RAD51B: variants seen among roughly 807,000 people sequenced by gnomAD.
RAD51B encodes RAD51 paralog B.
Under a neutral mutation model 42.2 loss-of-function variants are expected in RAD51B, and 38 were observed. The ratio of observed to expected loss-of-function variants is 0.90; its 90% CI spans 0.70 to 1.18. RAD51B has a LOEUF of 1.18. Ranked by LOEUF, RAD51B falls within the 50% of genes most tolerant of loss-of-function variation. The probability of loss-of-function intolerance (pLI) is 0.00; values close to 1 mark genes in which losing one functional copy is unlikely to be tolerated. For synonymous variants in RAD51B, 154 were observed against 145.2 expected (o/e 1.06, Z -0.43); for missense variants, 373 against 400.7 (o/e 0.93, Z 0.59).
intron 11 of RAD51B, among the ~76,000 whole-genome samples, chr14:68,655,503 G>T (rs1892795577): frequency 6.6e-6 from 1 of 152,186 alleles, no homozygotes; most frequent in East Asian, 1.9e-4. Context: ...GACGGCGGAT[G>T]AATTGCAAAC....
chr14:68,135,117 A>G (rs926623654), intron 7 of RAD51B, among the ~76,000 whole-genome samples: 1 of 152,188 alleles, frequency 6.6e-6, no homozygotes, highest in African/African-American at 2.4e-5. Flanking sequence ...CATTGAGTAC[A>G]TAGTGTTTAA....
At chr14:67,933,812 A>G (rs1474304842) in intron 7 of RAD51B, among the ~76,000 whole-genome samples, 2 of 152,062 alleles carry the variant, frequency 1.3e-5, no homozygotes, top group Non-Finnish European at 2.9e-5. Flanking sequence ...TGAGTGTCCA[A>G]TCTCTCTAGT....
intron 7 of RAD51B, among the ~76,000 whole-genome samples, chr14:68,107,297 T>G: frequency 6.6e-6 from 1 of 151,784 alleles, no homozygotes; most frequent in East Asian, 1.9e-4. Context: ...CCCCCAAAAG[T>G]ATAAGATTTG....
chr14:68,284,805 G>A (rs865970859), intron 7 of RAD51B, among the ~76,000 whole-genome samples: 2 of 151,808 alleles, frequency 1.3e-5, no homozygotes, highest in East Asian at 1.9e-4. Flanking sequence ...CCAGAGCATG[G>A]CAAAACTAAG....
At chr14:67,863,754 A>G (rs1199781332) in intron 4 of RAD51B, among the ~76,000 whole-genome samples, 1 of 152,210 alleles carries the variant, frequency 6.6e-6, no homozygotes, top group Non-Finnish European at 1.5e-5. Context: ...ATGTGTTTAA[A>G]GGAGATATTT....
intron 7 of RAD51B, among the ~76,000 whole-genome samples, chr14:68,004,194 G>A (rs1397192642): frequency 1.3e-5 from 2 of 151,990 alleles, no homozygotes; most frequent in Non-Finnish European, 2.9e-5. Flanking sequence ...TTAGCCAGGT[G>A]TGGTGGCGGG....
chr14:67,881,892 T>A (rs961282078), intron 5 of RAD51B, among the ~76,000 whole-genome samples: 1 of 152,228 alleles, frequency 6.6e-6, no homozygotes, highest in African/African-American at 2.4e-5. Flanking sequence ...TGCAACTGAT[T>A]TAAAAAATTT....
intron 4 of RAD51B, among the ~76,000 whole-genome samples, chr14:67,841,116 A>C (rs915178832): frequency 6.6e-6 from 1 of 152,188 alleles, no homozygotes; most frequent in African/African-American, 2.4e-5. Context: ...ACTTCTTAAT[A>C]ATAGCCATTC....
At chr14:67,990,358 A>G (rs1471395320) in intron 7 of RAD51B, among the ~76,000 whole-genome samples, 1 of 152,178 alleles carries the variant, frequency 6.6e-6, no homozygotes, top group African/African-American at 2.4e-5. Flanking sequence ...AAACAAACCA[A>G]CAAAATTCTG....
intron 8 of RAD51B, among the ~76,000 whole-genome samples, chr14:68,344,414 G>C (rs1397944323): frequency 6.7e-6 from 1 of 150,338 alleles, no homozygotes; most frequent in South Asian, 2.1e-4. Context: ...TTGGGAGGCT[G>C]AGGTGGGTGG....
intron 11 of RAD51B, among the ~76,000 whole-genome samples, chr14:68,654,582 G>A (rs953977308): frequency 1.3e-5 from 2 of 152,218 alleles, no homozygotes; most frequent in African/African-American, 2.4e-5. Context: ...AGGATGTGGT[G>A]CGTGTGAACA....
At chr14:67,959,249 A>G (rs1042816921) in intron 7 of RAD51B, among the ~76,000 whole-genome samples, 11 of 151,698 alleles carry the variant, frequency 7.3e-5, no homozygotes, top group African/African-American at 9.7e-5. Flanking sequence ...CCTTTGGTCA[A>G]TATTTTTTTT....
chr14:68,609,503 C>G (rs1350104300), intron 10 of RAD51B, among the ~76,000 whole-genome samples: 9 of 152,194 alleles, frequency 5.9e-5, no homozygotes, highest in African/African-American at 2.2e-4. Context: ...AGGATGTCCC[C>G]ACCTCCTTTG....
chr14:67,956,537 A>G (rs1158059113), intron 7 of RAD51B, among the ~76,000 whole-genome samples: 1 of 152,208 alleles, frequency 6.6e-6, no homozygotes, highest in Admixed American at 6.5e-5. Flanking sequence ...TGTGTCTACT[A>G]TCTATAAGAT....
intron 7 of RAD51B, among the ~76,000 whole-genome samples, chr14:68,160,981 G>A (rs767100803): frequency 9.9e-5 from 15 of 152,172 alleles, no homozygotes; most frequent in East Asian, 1.9e-4. Flanking sequence ...AAGCCAAGAC[G>A]TGAGTTCTTT....
intron 8 of RAD51B, among the ~76,000 whole-genome samples, chr14:68,371,474 C>T (rs1043844843): frequency 2.6e-5 from 4 of 151,694 alleles, no homozygotes; most frequent in African/African-American, 7.3e-5. Context: ...GCTGAGATCA[C>T]GCCACTGCAT....
intron 7 of RAD51B, among the ~76,000 whole-genome samples, chr14:68,261,763 G>A (rs1345650000): frequency 1.3e-5 from 2 of 152,092 alleles, no homozygotes; most frequent in African/African-American, 4.8e-5. Context: ...ATCCCAAAGT[G>A]AGCAGAACTG....
At chr14:68,354,903 G>C (rs1409403148) in intron 8 of RAD51B, among the ~76,000 whole-genome samples, 5 of 152,122 alleles carry the variant, frequency 3.3e-5, no homozygotes, top group Non-Finnish European at 7.4e-5. Flanking sequence ...GGTCTGAAAT[G>C]CCAAGTTTAA....
intron 9 of RAD51B, among the ~76,000 whole-genome samples, chr14:68,415,516 C>T (rs1043748746): frequency 1.3e-5 from 2 of 152,194 alleles, no homozygotes; most frequent in Admixed American, 1.3e-4. Flanking sequence ...TGGTTGTTCA[C>T]AGTCTACTTG....
Sources: gnomAD v4.1 joint callset for allele counts (sites outside exome capture counted in the v4.1 genomes callset) on GRCh38, gnomAD v4.1.1 for gene constraint, MANE v1.5 for transcripts, NCBI Gene and HGNC (gene_info 2026-07-23, HGNC 2026-07-21) for gene names.